TRAPPC9: variants seen among roughly 807,000 people sequenced by gnomAD.
TRAPPC9 encodes IKK2 binding protein.
Under a neutral mutation model 124.0 loss-of-function variants are expected in TRAPPC9, and 83 were observed. That is an observed-to-expected ratio of 0.67 (90% CI 0.56 to 0.80). The LOEUF (loss-of-function observed/expected upper bound fraction) is 0.80, where lower values mean the gene tolerates loss of function less well. Ranked by LOEUF, TRAPPC9 falls within the 30% of genes least tolerant of loss-of-function variation. TRAPPC9 has a pLI of 0.00. For missense variants in TRAPPC9, 1,302 were observed against 1,508.3 expected (o/e 0.86, Z 2.27); for synonymous variants, 638 against 617.5 (o/e 1.03, Z -0.49).
intron 18 of TRAPPC9, among the ~76,000 whole-genome samples, chr8:140,018,951 A>G (rs1839655261): frequency 6.6e-6 from 1 of 152,222 alleles, no homozygotes; most frequent in African/African-American, 2.4e-5. Flanking sequence ...TTTCTTGTAG[A>G]TGGCCTTTGT....
rs1320767065 is a variant in TRAPPC9 at position 140,154,259 on chromosome 8, G to A, written c.2556+67200C>T. On this transcript the variant is annotated intron_variant, in intron 17 of 22. Coordinates refer to ENST00000438773, the MANE Select transcript of TRAPPC9 (RefSeq NM_001160372.4). ...TACTGATTTCATCACCTCTCTCCAT[G>A]TCCTTTTCTTCTTCCCAAGTGTCTC... Among the ~76,000 whole-genome samples, 5 of 152,146 alleles carry A rather than the reference G, an allele frequency of 3.3e-5. No homozygotes were observed. The East Asian group carries it at 5.8e-4, about 18-fold the overall frequency.
At chr8:140,430,828 T>C (rs905278607) in intron 4 of TRAPPC9, among the ~76,000 whole-genome samples, 2 of 151,794 alleles carry the variant, frequency 1.3e-5, no homozygotes, top group Non-Finnish European at 2.9e-5. Flanking sequence ...TTTGTAGAGA[T>C]AGGATTTCAC....
rs1587526396 is a variant in TRAPPC9 at position 140,026,106 on chromosome 8, G to C, written c.2557-2027C>G. On this transcript the variant is annotated intron_variant, in intron 17 of 22. Transcript: ENST00000438773. ...GCATGAGTGGAATCCTACAGTACTT[G>C]TCCTTTTGTGACTGGCAGATTTCAC... is the stretch of plus-strand genomic sequence containing the variant. 2.6e-5 allele frequency among the ~76,000 whole-genome samples: 4 copies of C among 152,246 alleles called. No individual in the cohort carries two copies. The Middle Eastern group carries it at 0.01, about 388-fold the overall frequency.
At chr8:139,872,035 A>C (rs547238425) in intron 21 of TRAPPC9, among the ~76,000 whole-genome samples, 5 of 150,464 alleles carry the variant, frequency 3.3e-5, no homozygotes, top group African/African-American at 7.3e-5. Context: ...TGGTTGGATA[A>C]GTGGATGGAT....
At position 140,025,537 on chromosome 8, in the gene TRAPPC9, A is replaced by G. The variant is rs79202248; in HGVS notation, c.2557-1458T>C. 9.8e-3 allele frequency among the ~76,000 whole-genome samples: 1,472 copies of G among 150,420 alleles called. 26 individuals carry two copies. The highest frequency in any genetic ancestry group is 0.034 in the African/African-American group (1,389 of 40,704). On this transcript the variant is annotated intron_variant, in intron 17 of 22. Transcript: ENST00000438773. ...CTTGGATTAAGCAAAGGTTTCATGG[A>G]TATGACACCAAAAGCATAAGCAAAA...
At chr8:140,333,379 A>G (rs1333512612) in intron 9 of TRAPPC9, among the ~76,000 whole-genome samples, 2 of 152,140 alleles carry the variant, frequency 1.3e-5, no homozygotes, top group Non-Finnish European at 2.9e-5. Flanking sequence ...ATATAGATAC[A>G]TAGGTTTTTG....
chr8:140,349,353 CGAGGG>C (rs1563964565), intron 9 of TRAPPC9, among the ~76,000 whole-genome samples: 4,927 of 88,182 alleles, frequency 0.056, 319 homozygotes, highest in Middle Eastern at 0.16. Context: ...AGGGGGCGCG[CGAGGG>C]AAGGGCGCGC....
chr8:139,755,926 T>G (rs1264655061), intron 21 of TRAPPC9, among the ~76,000 whole-genome samples: 1 of 108,306 alleles, frequency 9.2e-6, no homozygotes, highest in African/African-American at 4.4e-5. Flanking sequence ...AGCCAGGGTT[T>G]GGGGATGAGG....
chr8:140,394,049 G>T (rs747843168), intron 7 of TRAPPC9, among the ~76,000 whole-genome samples: 1 of 152,190 alleles, frequency 6.6e-6, no homozygotes, highest in African/African-American at 2.4e-5. Flanking sequence ...ACAGCAAAAG[G>T]ACAGGCTGCT....
intron 19 of TRAPPC9, among the ~76,000 whole-genome samples, chr8:139,970,849 C>A (rs1436611197): frequency 6.6e-6 from 1 of 152,098 alleles, no homozygotes; most frequent in African/African-American, 2.4e-5. Flanking sequence ...GGCCAGAAGC[C>A]AGCTGAACCT....
Position 140,216,059 on chromosome 8 carries a change from A to G in TRAPPC9, c.2556+5400T>C, listed in dbSNP as rs1178646154. The G allele has an allele frequency of 6.6e-6, 1 of 152,250 alleles. No homozygotes were observed. Among genetic ancestry groups the G allele is most frequent in the African/African-American group, 2.4e-5 (1 of 41,466 alleles). 9.4% of individuals were successfully genotyped at this position (152,250 alleles called of 1,614,324 possible). On this transcript the variant is annotated intron_variant, in intron 17 of 22. Transcript: ENST00000438773. This position sits in a 1 kb window ranked among gnomAD's most constrained non-coding sequence, Gnocchi z 4.1. ...CACAGGTAAAATTCAGAAAAGCTGT[A>G]GTGAAAGAAGAAGGTGTCACAGTGT... is the stretch of plus-strand genomic sequence containing the variant.
chr8:140,178,739 T>C (rs1041770251), intron 17 of TRAPPC9, among the ~76,000 whole-genome samples: 2 of 152,158 alleles, frequency 1.3e-5, no homozygotes, highest in African/African-American at 2.4e-5. Context: ...AGTGAAATTC[T>C]GTGACTAATA....
intron 15 of TRAPPC9, among the ~76,000 whole-genome samples, chr8:140,263,652 G>A (rs1215907549): frequency 6.6e-6 from 1 of 152,168 alleles, no homozygotes; most frequent in African/African-American, 2.4e-5. Flanking sequence ...AACCAGAAGA[G>A]CCATGGAGTG....
intron 9 of TRAPPC9, among the ~76,000 whole-genome samples, chr8:140,327,658 A>G (rs2066774188): frequency 6.6e-6 from 1 of 152,244 alleles, no homozygotes; most frequent in Non-Finnish European, 1.5e-5. Flanking sequence ...GTCAGACACA[A>G]AAGAACAAAT....
intron 17 of TRAPPC9, among the ~76,000 whole-genome samples, chr8:140,064,264 C>T (rs1476636106): frequency 2.6e-5 from 4 of 152,186 alleles, no homozygotes; most frequent in Non-Finnish European, 4.4e-5. Context: ...AAATGGTCAG[C>T]TTTCTTTTAC....
At chr8:140,369,030 C>G (rs1054049026) in intron 8 of TRAPPC9, among the ~76,000 whole-genome samples, 5 of 152,210 alleles carry the variant, frequency 3.3e-5, no homozygotes, top group Non-Finnish European at 7.3e-5. Context: ...GCTGCTTTCA[C>G]ACCACAACAG....
chr8:140,071,409 C>T (rs906917315), intron 17 of TRAPPC9, among the ~76,000 whole-genome samples: 2 of 152,214 alleles, frequency 1.3e-5, no homozygotes, highest in Non-Finnish European at 2.9e-5. Flanking sequence ...CTTCTGTGGG[C>T]AAGGAGACTG....
rs566697850 is a variant in TRAPPC9 at position 139,983,228 on chromosome 8, G to A, written c.2810+5498C>T. On this transcript the variant is annotated intron_variant, in intron 19 of 22. Coordinates refer to ENST00000438773, the MANE Select transcript of TRAPPC9 (RefSeq NM_001160372.4). The stretch of plus-strand genomic sequence containing the variant: ...TCACCACCCACAGAATCTGCCCAGC[G>A]TCTTGATCTTGAACCTGCAGCCTCC... Among the ~76,000 whole-genome samples the A allele has an allele frequency of 1.1e-4, 16 of 152,236 alleles. 1 individual carries two copies. Among genetic ancestry groups the A allele is most frequent in the East Asian group, 5.8e-4 (3 of 5,186 alleles).
rs1163663827 is a variant in TRAPPC9, at chr8:140,070,543, A to C, written c.2557-46464T>G. On this transcript the variant is annotated intron_variant, in intron 17 of 22. Transcript: ENST00000438773. ...CACTTAATTAGTAATTCCATGAGGA[A>C]AAATGATGAGAAAAACCAGACTGTT... Among the ~76,000 whole-genome samples the C allele has an allele frequency of 2.6e-5, 4 of 152,240 alleles. No individual in the cohort carries two copies. The South Asian group carries it at 8.3e-4, about 32-fold the overall frequency.
Sources: allele counts gnomAD v4.1 joint callset (sites outside exome capture counted in the v4.1 genomes callset), GRCh38; gene constraint gnomAD v4.1.1; non-coding constraint Gnocchi (gnomAD v3.1); transcripts MANE v1.5; gene names NCBI Gene and HGNC (gene_info 2026-07-23, HGNC 2026-07-21).